The following APAF1 variants were observed in gnomAD, a reference collection of about 807,000 sequenced individuals.
APAF1 encodes the protein apoptotic peptidase activating factor 1.
Under a neutral mutation model 152.4 loss-of-function variants are expected in APAF1, and 91 were observed. The observed-to-expected ratio is 0.60, with a 90% confidence interval of 0.50 to 0.71. The LOEUF is 0.71. Among genes scored for constraint, APAF1 ranks in the 30% least tolerant of loss-of-function variants. The probability of loss-of-function intolerance (pLI) is 0.00; values close to 1 mark genes in which losing one functional copy is unlikely to be tolerated. For missense variants in APAF1, 1,283 were observed against 1,472.0 expected, an observed-to-expected ratio of 0.87 and a Z score of 2.10; for synonymous variants, 484 against 494.1, an observed-to-expected ratio of 0.98 and a Z score of 0.27.
chr12:98,680,476 A>G lies in APAF1; in HGVS notation c.2046+74A>G. 4 of 1,449,416 alleles carry G rather than the reference A, an allele frequency of 2.8e-6. No homozygotes were observed. In the South Asian group the frequency reaches 4.7e-5, roughly 17 times the overall value. 89.8% of individuals were successfully genotyped at this position (1,449,416 alleles called of 1,614,324 possible). ...TATTTTTCCATGATCATGAGACCAG[A>G]GTAAGTAGAGTTAAAGGACTCTCAC... On this transcript the variant is annotated intron_variant, in intron 14 of 26. Transcript: ENST00000551964.
At chr12:98,689,872 C>G (rs1169009285) in intron 16 of APAF1, among the ~76,000 whole-genome samples, 1 of 152,216 alleles carries the variant, frequency 6.6e-6, no homozygotes, top group Middle Eastern at 3.2e-3. Context: ...CTGATTTCCA[C>G]TTATAAATGT....
At chr12:98,664,680 C>A (rs1405123730) in intron 7 of APAF1, among the ~76,000 whole-genome samples, 1 of 151,886 alleles carries the variant, frequency 6.6e-6, no homozygotes, top group Non-Finnish European at 1.5e-5. Flanking sequence ...ACTGCAGATA[C>A]CCACCACCAC....
chr12:98,709,293 G>A (rs760104591), intron 20 of APAF1, among the ~76,000 whole-genome samples: 9 of 152,160 alleles, frequency 5.9e-5, no homozygotes, highest in Non-Finnish European at 1.2e-4. Context: ...GATCCAAACA[G>A]CACTACTCTA....
chr12:98,714,118 A>G (rs955247517), intron 21 of APAF1, among the ~76,000 whole-genome samples: 1 of 152,134 alleles, frequency 6.6e-6, no homozygotes, highest in Non-Finnish European at 1.5e-5. Context: ...GTGTATTATT[A>G]TTTATTCTTA....
intron 15 of APAF1, among the ~76,000 whole-genome samples, chr12:98,684,856 G>C (rs971572695): frequency 1.3e-5 from 2 of 152,136 alleles, no homozygotes; most frequent in African/African-American, 4.8e-5. Context: ...GGGGTTATTG[G>C]TTAGTAAGCC....
At chr12:98,647,804 C>A (rs570192339) in intron 1 of APAF1, among the ~76,000 whole-genome samples, 5 of 144,104 alleles carry the variant, frequency 3.5e-5, no homozygotes, top group Non-Finnish European at 7.5e-5. Flanking sequence ...GCATAATATT[C>A]CATTTTATAT....
Position 98,665,274 on chromosome 12 carries a change from ATATATT to A in APAF1, c.956-277_956-272del, listed in dbSNP as rs1429333003. 2.0e-4 allele frequency among the ~76,000 whole-genome samples: 21 copies of A among 107,510 alleles called. 1 individual carries two copies. The highest frequency in any genetic ancestry group is 3.1e-4 in the Non-Finnish European group (16 of 51,790). 70.5% of individuals were successfully genotyped at this position (107,510 alleles called of 152,430 possible). On this transcript the variant is annotated intron_variant, in intron 7 of 26. Coordinates refer to ENST00000551964, the MANE Select transcript of APAF1 (RefSeq NM_181861.2). Reference sequence around the variant, plus strand: ...CTGGCGCATATATATATATATATATATATATTTTTTTTTTTTTTTGTAATGACATCT... The same window carrying A: ...CTGGCGCATATATATATATATATATATTTTTTTTTTTTTGTAATGACATCT...
chr12:98,701,586 C>T (rs2097715449), intron 17 of APAF1, among the ~76,000 whole-genome samples: 1 of 152,162 alleles, frequency 6.6e-6, no homozygotes, highest in South Asian at 2.1e-4. Flanking sequence ...TTTGTGTTTT[C>T]CCAATTACCA....
At position 98,699,517 on chromosome 12, in the gene APAF1, C is replaced by T. The variant is rs375207439; in HGVS notation, c.2414C>T (p.Ser805Leu). Residue 805 changes from serine to leucine, a missense_variant, in exon 17 of 27, where the codon TCG (serine) becomes TTG (leucine). Ser to Leu is a moderately radical substitution (Grantham distance 145). Coordinates refer to ENST00000551964, the MANE Select transcript of APAF1 (RefSeq NM_181861.2). Reference protein sequence around the residue: ...EDMEVIVKCCSWSADGARIMV... With the variant: ...EDMEVIVKCCLWSADGARIMV... ...ATGGAAGTGATAGTGAAGTGTTGTT[C>T]GTGGTCTGCTGATGGTGCAAGGATA... The T allele has an allele frequency of 1.1e-5, 18 of 1,613,970 alleles. No individual in the cohort carries two copies. The highest frequency in any genetic ancestry group is 5.0e-5 in the Admixed American group (3 of 59,992).
At chr12:98,716,749 T>G (rs2097735154) in intron 22 of APAF1, among the ~76,000 whole-genome samples, 1 of 152,252 alleles carries the variant, frequency 6.6e-6, no homozygotes, top group Non-Finnish European at 1.5e-5. Context: ...TCTTTCCTTT[T>G]TGTTCCAGTT....
At chr12:98,701,440 GC>G (rs766869338) in intron 17 of APAF1, among the ~76,000 whole-genome samples, 5 of 152,160 alleles carry the variant, frequency 3.3e-5, no homozygotes, top group Non-Finnish European at 7.3e-5. Context: ...TTCCACAGCA[GC>G]TGCACCGTTT....
At chr12:98,689,367 C>T (rs1238156469) in intron 16 of APAF1, among the ~76,000 whole-genome samples, 1 of 151,376 alleles carries the variant, frequency 6.6e-6, no homozygotes, top group Non-Finnish European at 1.5e-5. Context: ...ATGTTTTTTG[C>T]CTTCGATTTC....
intron 19 of APAF1, among the ~76,000 whole-genome samples, chr12:98,707,693 T>TATATATATATATATATAC (rs1491295662): frequency 2.8e-5 from 1 of 36,178 alleles, no homozygotes; most frequent in East Asian, 2.0e-3. Context: ...TGCAAAGTAC[T>TATATATATATATATATAC]ATATATATAT....
chr12:98,685,740 A>G (rs929992770), intron 15 of APAF1, among the ~76,000 whole-genome samples: 1 of 152,084 alleles, frequency 6.6e-6, no homozygotes, highest in African/African-American at 2.4e-5. Flanking sequence ...GGTTCAAGCA[A>G]TTCTTATGCC....
intron 8 of APAF1, 95 bp downstream of exon 8, chr12:98,665,886 A>G (rs761771600): frequency 8.8e-7 from 1 of 1,135,940 alleles, no homozygotes; most frequent in Non-Finnish European, 1.3e-6. Context: ...TTGGAAGGAT[A>G]AGACCCAGGG....
At chr12:98,690,288 G>C (rs146198251) in intron 16 of APAF1, among the ~76,000 whole-genome samples, 15 of 152,314 alleles carry the variant, frequency 9.8e-5, no homozygotes, top group African/African-American at 3.6e-4. Flanking sequence ...TTAGCTAGCT[G>C]TTAGTGGGTG....
At chr12:98,653,718 A>G (rs1435957596) in intron 4 of APAF1, among the ~76,000 whole-genome samples, 2 of 119,480 alleles carry the variant, frequency 1.7e-5, no homozygotes, top group East Asian at 4.8e-4. Flanking sequence ...ATATATATAT[A>G]TATATAGTTT....
chr12:98,701,114 C>T (rs1468676465), intron 17 of APAF1, among the ~76,000 whole-genome samples: 1 of 152,034 alleles, frequency 6.6e-6, no homozygotes, highest in African/African-American at 2.4e-5. Flanking sequence ...CCTAGCCGAC[C>T]TATAATGGTT....
chr12:98,665,808 T>G lies in APAF1; in HGVS notation c.1194+17T>G, dbSNP rs758148327. 1.9e-6 allele frequency: 3 copies of G among 1,549,658 alleles called. No individual in the cohort carries two copies. The highest frequency in any genetic ancestry group is 2.2e-5 in the South Asian group (2 of 89,640). ...CCTACAAAGGTAATGGGATCAATGA[T>G]CCTCATCATTGGGTATTTATTGCAT... On this transcript the variant is annotated intron_variant, in intron 8 of 26. Coordinates refer to ENST00000551964, the MANE Select transcript of APAF1 (RefSeq NM_181861.2).
Sources: allele counts gnomAD v4.1 joint callset (sites outside exome capture counted in the v4.1 genomes callset), GRCh38; gene constraint gnomAD v4.1.1; transcripts MANE v1.5; gene names NCBI Gene and HGNC (gene_info 2026-07-23, HGNC 2026-07-21).